ALK: variants seen among roughly 807,000 people sequenced by gnomAD.
ALK encodes ALK receptor tyrosine kinase.
Under a neutral mutation model 163.1 loss-of-function variants are expected in ALK, and 74 were observed. The observed-to-expected ratio is 0.45, with a 90% confidence interval of 0.38 to 0.55. ALK has a LOEUF of 0.55. Among genes scored for constraint, ALK ranks in the 20% least tolerant of loss-of-function variants. The pLI is 0.00. For missense variants in ALK, 2,063 were observed against 2,105.3 expected (o/e 0.98, Z 0.39); for synonymous variants, 960 against 843.2 (o/e 1.14, Z -2.40).
At chr2:29,825,261 T>A (rs1409977923) in intron 1 of ALK, among the ~76,000 whole-genome samples, 1 of 152,240 alleles carries the variant, frequency 6.6e-6, no homozygotes, top group Non-Finnish European at 1.5e-5. Flanking sequence ...AATAGACTAA[T>A]ACATCTGCTT....
intron 1 of ALK, among the ~76,000 whole-genome samples, chr2:29,914,117 C>T (rs1198495795): frequency 6.6e-6 from 1 of 152,216 alleles, no homozygotes; most frequent in Non-Finnish European, 1.5e-5. Context: ...TGCTGGTGGA[C>T]TCTTTGAACT....
At chr2:29,557,548 G>A (rs1673897166) in intron 3 of ALK, among the ~76,000 whole-genome samples, 1 of 152,026 alleles carries the variant, frequency 6.6e-6, no homozygotes, top group Non-Finnish European at 1.5e-5. Context: ...ACTAACAAAT[G>A]GGCATGAGAC....
intron 4 of ALK, among the ~76,000 whole-genome samples, chr2:29,459,237 A>G (rs1386578503): frequency 6.6e-6 from 1 of 151,982 alleles, no homozygotes; most frequent in Non-Finnish European, 1.5e-5. Flanking sequence ...TAATTTACCG[A>G]GAGGTTAACA....
At chr2:29,617,248 G>T (rs1007927211) in intron 3 of ALK, among the ~76,000 whole-genome samples, 4 of 152,194 alleles carry the variant, frequency 2.6e-5, no homozygotes, top group Non-Finnish European at 5.9e-5. Flanking sequence ...TGTCTGTGTT[G>T]ACCATTCTGG....
At chr2:29,299,125 TCTC>T (rs1255153177) in intron 8 of ALK, among the ~76,000 whole-genome samples, 1 of 152,200 alleles carries the variant, frequency 6.6e-6, no homozygotes, top group East Asian at 1.9e-4. Context: ...TTCTAGATAA[TCTC>T]CTCATTACTC....
At chr2:29,767,617 C>G (rs899232207) in intron 1 of ALK, among the ~76,000 whole-genome samples, 2 of 152,188 alleles carry the variant, frequency 1.3e-5, no homozygotes, top group Non-Finnish European at 2.9e-5. Context: ...TATTCATTTT[C>G]CCGGGCCCTT....
intron 1 of ALK, among the ~76,000 whole-genome samples, chr2:29,901,572 T>C (rs1421907836): frequency 1.3e-5 from 2 of 152,200 alleles, no homozygotes; most frequent in Non-Finnish European, 2.9e-5. Context: ...CTTTATCTGA[T>C]TGCATTATTG....
At chr2:29,884,122 AC>A (rs1191882719) in intron 1 of ALK, among the ~76,000 whole-genome samples, 1 of 152,024 alleles carries the variant, frequency 6.6e-6, no homozygotes, top group Non-Finnish European at 1.5e-5. Flanking sequence ...TTTCATAACC[AC>A]CTGTTACTAT....
chr2:29,686,768 G>T (rs1176739277), intron 3 of ALK, among the ~76,000 whole-genome samples: 1 of 152,188 alleles, frequency 6.6e-6, no homozygotes, highest in African/African-American at 2.4e-5. Context: ...GGCCTGTCCT[G>T]ATGGGGAGGT....
At chr2:29,392,419 G>T (rs924995753) in intron 4 of ALK, among the ~76,000 whole-genome samples, 7 of 152,172 alleles carry the variant, frequency 4.6e-5, no homozygotes, top group African/African-American at 1.4e-4. Context: ...AAGAGCTTTT[G>T]GTGGGTCAGA....
In ALK at chr2:29,497,083, C is replaced by T. The variant is rs1180503479; in HGVS notation, c.1154+34832G>A. ...GTGAGGAGTTCGAGACCAGCCTAGTCAACATGGTGAAACCCCGTCTCTACT... is the reference window on the plus strand; with the variant it reads ...GTGAGGAGTTCGAGACCAGCCTAGTTAACATGGTGAAACCCCGTCTCTACT... On this transcript the variant is annotated intron_variant, in intron 4 of 28. Transcript: ENST00000389048. Among the ~76,000 whole-genome samples the T allele has an allele frequency of 2.6e-5, 4 of 152,136 alleles. No homozygotes were observed. In the East Asian group the frequency reaches 7.7e-4, roughly 29 times the overall value.
At chr2:29,704,546 GA>G (rs1444172507) in intron 2 of ALK, among the ~76,000 whole-genome samples, 1 of 152,132 alleles carries the variant, frequency 6.6e-6, no homozygotes, top group East Asian at 1.9e-4. Context: ...GAAAAATTCT[GA>G]AAAATCCTAT....
intron 1 of ALK, among the ~76,000 whole-genome samples, chr2:29,863,585 C>A (rs1169704195): frequency 6.6e-6 from 1 of 152,006 alleles, no homozygotes; most frequent in Admixed American, 6.6e-5. Flanking sequence ...TCACCCCATG[C>A]CTGTTTGAAT....
At chr2:29,492,438 T>C (rs1671924235) in intron 4 of ALK, among the ~76,000 whole-genome samples, 1 of 152,068 alleles carries the variant, frequency 6.6e-6, no homozygotes, top group Non-Finnish European at 1.5e-5. Context: ...GAGGATTGCT[T>C]AAAAAGAGTG....
intron 1 of ALK, among the ~76,000 whole-genome samples, chr2:29,877,617 TTAAC>T (rs1485418544): frequency 6.6e-6 from 1 of 152,184 alleles, no homozygotes; most frequent in Non-Finnish European, 1.5e-5. Context: ...AGTTCATTGT[TTAAC>T]TGAATGAATT....
intron 13 of ALK, among the ~76,000 whole-genome samples, chr2:29,234,721 TGGAGC>T (rs974146770): frequency 1.7e-4 from 26 of 152,300 alleles, no homozygotes; most frequent in Admixed American, 1.4e-3. Flanking sequence ...AGGCATCTAG[TGGAGC>T]GCCTCACACA....
intron 4 of ALK, among the ~76,000 whole-genome samples, chr2:29,521,381 C>T (rs572001031): frequency 2.2e-4 from 33 of 152,288 alleles, no homozygotes; most frequent in Admixed American, 1.2e-3. Flanking sequence ...CACAATCAGT[C>T]ATTGGAAAGG....
intron 3 of ALK, among the ~76,000 whole-genome samples, chr2:29,665,411 G>A (rs908306446): frequency 6.6e-6 from 1 of 152,006 alleles, no homozygotes; most frequent in African/African-American, 2.4e-5. Context: ...CTTGATTACA[G>A]CAATAATCAC....
At chr2:29,240,832 A>G (rs542963039) in intron 12 of ALK, among the ~76,000 whole-genome samples, 105 of 152,234 alleles carry the variant, frequency 6.9e-4, no homozygotes, top group South Asian at 5.2e-3. Context: ...AGGGTATGGG[A>G]CTCGGCAGAC....
Sources: gnomAD v4.1 joint callset for allele counts (sites outside exome capture counted in the v4.1 genomes callset) on GRCh38, gnomAD v4.1.1 for gene constraint, MANE v1.5 for transcripts, NCBI Gene and HGNC (gene_info 2026-07-23, HGNC 2026-07-21) for gene names.